Variants in NME2 observed in about 807,000 individuals in gnomAD.
NME2 encodes the protein NME/NM23 nucleoside diphosphate kinase 2, also known as nucleoside diphosphate kinase B.
A neutral mutation model predicts 17.8 loss-of-function variants in NME2; 18 were observed. That is an observed-to-expected ratio of 1.01 (90% CI 0.70 to 1.50). NME2 has a LOEUF of 1.50. NME2 is among the 40% of genes most tolerant of loss of function. The pLI is 0.00. For synonymous variants in NME2, 74 were observed against 71.4 expected, an observed-to-expected ratio of 1.04 and a Z score of -0.19; for missense variants, 161 against 195.6, an observed-to-expected ratio of 0.82 and a Z score of 1.05.
chr17:51,167,427 C>G (rs1018030756), intron 2 of NME2: 11 of 189,892 alleles, frequency 5.8e-5, no homozygotes, highest in Non-Finnish European at 9.9e-5. Context: ...ATCTGAATCC[C>G]TACACTTACG....
intron 2 of NME2, among the ~76,000 whole-genome samples, chr17:51,167,724 C>G (rs75711442): frequency 0.16 from 24,784 of 152,136 alleles, 2,476 homozygotes; most frequent in African/African-American, 0.27. Flanking sequence ...GCGGGGCTCA[C>G]GCCTATAATC....
chr17:51,169,123 A>AT (rs1387264293), intron 3 of NME2, among the ~76,000 whole-genome samples: 4 of 152,090 alleles, frequency 2.6e-5, no homozygotes, highest in Non-Finnish European at 5.9e-5. Flanking sequence ...GATGGTGCTA[A>AT]TGTCCATTTG....
Position 51,171,560 on chromosome 17 carries a change from C to G in NME2, c.415C>G (p.Leu139Val). The change falls in exon 5 of 5, where the codon CTG becomes GTG. Residue 139 changes from leucine (L) to valine (V), a missense_variant. By Grantham distance (32) the Leu-to-Val change is conservative. Coordinates refer to ENST00000512737, the MANE Select transcript of NME2 (RefSeq NM_002512.4). The part of the protein sequence containing the change: ...EISLWFKPEE[L>V]VDYKSCAHDW... ...CAGCCTATGGTTTAAGCCTGAAGAA[C>G]TGGTTGACTACAAGTCTTGTGCTCA... 4.3e-6 allele frequency: 7 copies of G among 1,613,860 alleles called. No individual in the cohort carries two copies. In the South Asian group the frequency reaches 7.7e-5, roughly 18 times the overall value.
intron 4 of NME2, 116 bp from the exon 5 acceptor site, chr17:51,171,371 T>C: frequency 1.3e-6 from 1 of 761,402 alleles, no homozygotes; most frequent in Non-Finnish European, 2.2e-6. Flanking sequence ...TAAATTGGTC[T>C]GTTGCTTCAA....
rs1029152004 is a variant in NME2 at position 51,169,803 on chromosome 17, T to C, written c.229-134T>C. On this transcript the variant is annotated intron_variant, in intron 3 of 4. Coordinates refer to ENST00000512737, the MANE Select transcript of NME2 (RefSeq NM_002512.4). ...ATGCAGTTTTTATATAGGCCCCTAC[T>C]CTCTGCTGGGGTTAGCTGATAATCA... 4 of 759,608 alleles carry C rather than the reference T, an allele frequency of 5.3e-6. No individual in the cohort carries two copies. In the African/African-American group the frequency reaches 7.2e-5, roughly 14 times the overall value. The allele number at this position is 759,608 out of a possible 1,614,324, so 47.1% of individuals were successfully genotyped here. A position where few individuals can be genotyped will look rare whatever the true frequency, so the allele number is the denominator to read the frequency against.
rs1368621358 is a variant in NME2 at position 51,167,950 on chromosome 17, A to G, written c.127-292A>G. 2.8e-5 allele frequency: 5 copies of G among 179,514 alleles called. No homozygotes were observed. In the Admixed American group the frequency reaches 3.1e-4, roughly 11 times the overall value. 11.1% of individuals were successfully genotyped at this position (179,514 alleles called of 1,614,324 possible). A position where few individuals can be genotyped will look rare whatever the true frequency, so the allele number is the denominator to read the frequency against. On this transcript the variant is annotated intron_variant, in intron 2 of 4. Transcript: ENST00000512737. ...GGCTGCAGTGAGCCATCATTGTGCC[A>G]CTGCATTCCAGCCTGGGTGATGATA...
intron 4 of NME2, among the ~76,000 whole-genome samples, chr17:51,170,914 A>G (rs2050057958): frequency 6.6e-6 from 1 of 152,104 alleles, no homozygotes. Context: ...AGGTGTGGAG[A>G]AGGGAAGCAT....
At position 51,171,672 on chromosome 17, in the gene NME2, A is replaced by G. The variant is rs1011396469; in HGVS notation, c.*68A>G. On this transcript the variant is annotated 3_prime_UTR_variant, in exon 5 of 5. Coordinates refer to ENST00000512737, the MANE Select transcript of NME2 (RefSeq NM_002512.4). ...GTCCCTGGACACAGCTCTTCATTCC[A>G]TTGACTTAGAGGCAACAGGATTGAT... 2.2e-5 allele frequency: 27 copies of G among 1,201,074 alleles called. No homozygotes were observed. Among genetic ancestry groups the G allele is most frequent in the African/African-American group, 1.1e-4 (7 of 66,126 alleles). 74.4% of individuals were successfully genotyped at this position (1,201,074 alleles called of 1,614,324 possible). A position where few individuals can be genotyped will look rare whatever the true frequency, so the allele number is the denominator to read the frequency against.
chr17:51,170,142 CTTTTTTTT>C (rs112707943), intron 4 of NME2, 93 bp downstream of exon 4: 24 of 614,564 alleles, frequency 3.9e-5, no homozygotes, highest in Middle Eastern at 3.4e-4. Context: ...AATCTGTGCC[CTTTTTTTT>C]TTTTTTTTTT....
At chr17:51,170,135 C>A in intron 4 of NME2, 86 bp downstream of exon 4, 160 of 846,900 alleles carry the variant, frequency 1.9e-4, no homozygotes, top group Non-Finnish European at 2.4e-4. Context: ...TCAGAAGAAT[C>A]TGTGCCCTTT....
Position 51,166,863 on chromosome 17 carries a change from C to G in NME2, c.33C>G (p.Ile11Met), listed in dbSNP as rs1036350985. MANLERTFIA[I>M]KPDGVQRGLV... The stretch of plus-strand genomic sequence containing the variant: ...ACCTGGAGCGCACCTTCATCGCCAT[C>G]AAGCCGGACGGCGTGCAGCGCGGCC... The change falls in exon 2 of 5, where the codon ATC becomes ATG. Residue 11 changes from isoleucine (I) to methionine (M), a missense_variant. Transcript: ENST00000512737. 1.2e-6 allele frequency: 2 copies of G among 1,613,666 alleles called. No individual in the cohort carries two copies. Among genetic ancestry groups the G allele is most frequent in the East Asian group, 2.2e-5 (1 of 44,822 alleles).
chr17:51,167,187 T>A, intron 2 of NME2: 1 of 969,104 alleles, frequency 1.0e-6, no homozygotes, highest in Non-Finnish European at 1.4e-6. Context: ...CCTCCGGGTT[T>A]GGGTTCCTTC....
intron 3 of NME2, 40 bp downstream of exon 3, chr17:51,168,383 T>C (rs372971757): frequency 1.9e-6 from 3 of 1,599,894 alleles, no homozygotes; most frequent in Non-Finnish European, 2.6e-6. Flanking sequence ...GAGGAAAAAG[T>C]GCTCAGTGTT....
At chr17:51,166,570 CCGGTCTGTGGGCG>C in intron 1 of NME2, 73 bp downstream of exon 1, 1 of 255,726 alleles carries the variant, frequency 3.9e-6, no homozygotes. Context: ...GCAGGTGGGC[CCGGTCTGTGGGCG>C]CCCCCCGATT....
At chr17:51,168,741 C>A (rs955594896) in intron 3 of NME2, among the ~76,000 whole-genome samples, 1 of 151,808 alleles carries the variant, frequency 6.6e-6, no homozygotes, top group Admixed American at 6.6e-5. Flanking sequence ...ATCTCACTGC[C>A]TGCAAGAGTG....
intron 3 of NME2, among the ~76,000 whole-genome samples, chr17:51,169,153 G>A (rs921564761): frequency 4.0e-5 from 6 of 151,844 alleles, no homozygotes; most frequent in African/African-American, 1.5e-4. Context: ...AGAATATGAG[G>A]AGAGAGTGGC....
At chr17:51,167,093 C>T in intron 2 of NME2, 137 bp downstream of exon 2, 1 of 1,541,182 alleles carries the variant, frequency 6.5e-7, no homozygotes, top group Non-Finnish European at 8.7e-7. Flanking sequence ...CCCCCGCCCA[C>T]GGCGGCTTGG....
intron 1 of NME2, 63 bp downstream of exon 1, chr17:51,166,560 G>T (rs2049941735): frequency 2.1e-5 from 5 of 239,280 alleles, no homozygotes; most frequent in Non-Finnish European, 3.2e-5. Context: ...TTGCGCTGCC[G>T]CAGGTGGGCC....
Position 51,171,574 on chromosome 17 carries a change from G to C in NME2, c.429G>C (p.Lys143Asn), listed in dbSNP as rs144589585. 12 of 1,613,744 alleles carry C rather than the reference G, an allele frequency of 7.4e-6. No homozygotes were observed. The Admixed American group carries it at 8.3e-5, about 11-fold the overall frequency. The change falls in exon 5 of 5, where the codon AAG (lysine) becomes AAC (asparagine). Residue 143 changes from lysine to asparagine, a missense_variant. Transcript: ENST00000512737. ...AGCCTGAAGAACTGGTTGACTACAA[G>C]TCTTGTGCTCATGACTGGGTCTATG... is the stretch of plus-strand genomic sequence containing the variant. ...WFKPEELVDY[K>N]SCAHDWVYE is the part of the protein sequence containing the mutation.
Sources: allele counts gnomAD v4.1 joint callset (sites outside exome capture counted in the v4.1 genomes callset), GRCh38; gene constraint gnomAD v4.1.1; transcripts MANE v1.5; gene names NCBI Gene and HGNC (gene_info 2026-07-23, HGNC 2026-07-21).